The following GABRG3 variants were observed in gnomAD, a reference collection of about 807,000 sequenced individuals.
GABRG3 encodes the protein gamma-aminobutyric acid receptor subunit gamma-3.
A neutral mutation model predicts 48.8 loss-of-function variants in GABRG3; 25 were observed. The ratio of observed to expected loss-of-function variants is 0.51; its 90% confidence interval spans 0.37 to 0.72. The LOEUF is 0.72. GABRG3 is among the 30% of genes least tolerant of loss of function. The pLI is 0.00. For synonymous variants in GABRG3, 227 were observed against 217.6 expected (o/e 1.04, Z -0.38); for missense variants, 394 against 577.9 (o/e 0.68, Z 3.26).
chr15:27,158,594 TGAGA>T lies in GABRG3; in HGVS notation c.270+131778_270+131781del, dbSNP rs1898495556. On this transcript the variant is annotated intron_variant, in intron 3 of 9. Coordinates refer to ENST00000615808, the MANE Select transcript of GABRG3 (RefSeq NM_033223.5). ...TACCTGTTTTCATAAGATTTCTATCTGAGAGAGACAAATTATTTTATCTTCACCA... is the reference window on the plus strand; with the variant it reads ...TACCTGTTTTCATAAGATTTCTATCTGAGACAAATTATTTTATCTTCACCA... Among the ~76,000 whole-genome samples the T allele has an allele frequency of 2.0e-5, 3 of 152,334 alleles. No individual in the cohort carries two copies. In the South Asian group the frequency reaches 6.2e-4, roughly 32 times the overall value.
In GABRG3 at chr15:27,028,068, A is replaced by G. The variant is rs138421160; in HGVS notation, c.270+1247A>G. On this transcript the variant is annotated intron_variant, in intron 3 of 9. Transcript: ENST00000615808. ...TTTCCTGCAGGCCTTTAACTTTAGA[A>G]TTTACTTTGTGCCTCGTGTTAGGCT... 8.1e-3 allele frequency among the ~76,000 whole-genome samples: 1,227 copies of G among 152,288 alleles called. 13 individuals are homozygous for G. Among genetic ancestry groups the G allele is most frequent in the African/African-American group, 0.028 (1,158 of 41,558 alleles).
At chr15:27,212,274 G>A (rs1259558312) in intron 3 of GABRG3, among the ~76,000 whole-genome samples, 1 of 152,178 alleles carries the variant, frequency 6.6e-6, no homozygotes, top group Non-Finnish European at 1.5e-5. Context: ...CAGGAATCTG[G>A]CATCGCTCCG....
chr15:27,026,909 A>T (rs1247340422), intron 3 of GABRG3, 88 bp downstream of exon 3: 3 of 886,924 alleles, frequency 3.4e-6, no homozygotes, highest in Non-Finnish European at 5.0e-6. Context: ...GAGATTTATC[A>T]TGCCGGTTTA....
intron 3 of GABRG3, among the ~76,000 whole-genome samples, chr15:27,278,126 A>T (rs1891315313): frequency 6.6e-6 from 1 of 151,194 alleles, no homozygotes; most frequent in Non-Finnish European, 1.5e-5. Context: ...ATCTCCACTC[A>T]CTGCAACCTC....
intron 3 of GABRG3, among the ~76,000 whole-genome samples, chr15:27,038,820 A>G (rs6606865): frequency 0.67 from 101,575 of 151,960 alleles, 34,012 homozygotes; most frequent in East Asian, 0.74. Flanking sequence ...GCTGGAGCTC[A>G]GCCATGGGAA....
chr15:27,410,954 G>A (rs1295899811), intron 5 of GABRG3, among the ~76,000 whole-genome samples: 3 of 151,476 alleles, frequency 2.0e-5, no homozygotes, highest in Non-Finnish European at 2.9e-5. Context: ...TCTAAAGTTC[G>A]TCTTTCACAG....
At chr15:27,021,221 C>T (rs749890059) in intron 2 of GABRG3, among the ~76,000 whole-genome samples, 2 of 151,942 alleles carry the variant, frequency 1.3e-5, no homozygotes, top group Non-Finnish European at 2.9e-5. Context: ...CATATTTTTT[C>T]GTGTTGCAAT....
intron 3 of GABRG3, among the ~76,000 whole-genome samples, chr15:27,036,881 G>A (rs572369945): frequency 1.1e-3 from 171 of 152,232 alleles, no homozygotes; most frequent in African/African-American, 3.7e-3. Context: ...TCCTTAGAAT[G>A]TGACTTTATT....
chr15:27,513,815 C>T (rs1595803731), intron 6 of GABRG3, among the ~76,000 whole-genome samples: 1 of 152,078 alleles, frequency 6.6e-6, no homozygotes, highest in Non-Finnish European at 1.5e-5. Flanking sequence ...AATTAAAACA[C>T]GAACTTAAAT....
At chr15:27,369,330 A>G (rs904369286) in intron 5 of GABRG3, among the ~76,000 whole-genome samples, 1 of 152,230 alleles carries the variant, frequency 6.6e-6, no homozygotes, top group Non-Finnish European at 1.5e-5. Context: ...CTTTCAATTA[A>G]GGAGAACGTG....
At chr15:27,266,672 C>T (rs1189247184) in intron 3 of GABRG3, among the ~76,000 whole-genome samples, 1 of 152,172 alleles carries the variant, frequency 6.6e-6, no homozygotes, top group Admixed American at 6.5e-5. Flanking sequence ...ACAGTCTATT[C>T]CTCCATTTAT....
intron 3 of GABRG3, among the ~76,000 whole-genome samples, chr15:27,148,821 C>T (rs1158436540): frequency 6.6e-6 from 1 of 151,958 alleles, no homozygotes; most frequent in African/African-American, 2.4e-5. Context: ...AAACATCCAA[C>T]ATACTAAGAA....
At chr15:27,220,528 T>G (rs1370838198) in intron 3 of GABRG3, among the ~76,000 whole-genome samples, 2 of 152,104 alleles carry the variant, frequency 1.3e-5, no homozygotes, top group Middle Eastern at 3.2e-3. Flanking sequence ...AAGAACGTGG[T>G]CAGAATTCAG....
chr15:27,450,602 A>G (rs948918950), intron 5 of GABRG3, among the ~76,000 whole-genome samples: 3 of 152,200 alleles, frequency 2.0e-5, no homozygotes. Context: ...CACATTTATT[A>G]CACTCAATGG....
chr15:26,976,641 A>AG lies in GABRG3; in HGVS notation c.54-359dup, dbSNP rs1382101193. Among the ~76,000 whole-genome samples, 2 of 152,110 alleles carry AG rather than the reference A, an allele frequency of 1.3e-5. No homozygotes were observed. The highest frequency in any genetic ancestry group is 2.9e-5 in the Non-Finnish European group (2 of 68,016). On this transcript the variant is annotated intron_variant, in intron 1 of 9. Transcript: ENST00000615808. This position sits in a 1 kb window ranked among gnomAD's most constrained non-coding sequence, Gnocchi z 7.8. The stretch of plus-strand genomic sequence containing the variant: ...AGTCACCATATAGAAAACCTCTAGA[A>AG]GGTTTGTGCCTTGACCTTCACAGGC...
intron 3 of GABRG3, among the ~76,000 whole-genome samples, chr15:27,315,174 TAAAAG>T (rs1893169717): frequency 6.6e-6 from 1 of 152,140 alleles, no homozygotes; most frequent in Non-Finnish European, 1.5e-5. Context: ...TAAAAAGAAT[TAAAAG>T]GAAGAAAAGC....
chr15:27,044,660 G>A (rs921217514), intron 3 of GABRG3, among the ~76,000 whole-genome samples: 2 of 152,198 alleles, frequency 1.3e-5, no homozygotes, highest in African/African-American at 2.4e-5. Context: ...AATCATGAAG[G>A]GGGCAGGCCC....
chr15:27,400,823 G>T (rs915661920), intron 5 of GABRG3, among the ~76,000 whole-genome samples: 6 of 152,136 alleles, frequency 3.9e-5, no homozygotes, highest in African/African-American at 1.4e-4. Context: ...GATTTAACGT[G>T]CATTAGTGTA....
chr15:27,478,492 G>A lies in GABRG3; in HGVS notation c.575-2158G>A, dbSNP rs187976801. 4.8e-3 allele frequency among the ~76,000 whole-genome samples: 725 copies of A among 152,226 alleles called. 6 individuals are homozygous for A. The highest frequency in any genetic ancestry group is 0.017 in the African/African-American group (693 of 41,544). On this transcript the variant is annotated intron_variant, in intron 5 of 9. Coordinates refer to ENST00000615808, the MANE Select transcript of GABRG3 (RefSeq NM_033223.5). ...CTGCTACCATTGTTATCACTAAAAAGACAGAAACTAACAAGTGTTGCAGAG... is the reference window on the plus strand; with the variant it reads ...CTGCTACCATTGTTATCACTAAAAAAACAGAAACTAACAAGTGTTGCAGAG...
Sources: allele counts gnomAD v4.1 joint callset (sites outside exome capture counted in the v4.1 genomes callset), GRCh38; gene constraint gnomAD v4.1.1; non-coding constraint Gnocchi (gnomAD v3.1); transcripts MANE v1.5; gene names NCBI Gene and HGNC (gene_info 2026-07-23, HGNC 2026-07-21).